ATOSB: variants seen among roughly 807,000 people sequenced by gnomAD.
The protein encoded by ATOSB is atos homolog B.
At chr9:35,105,509 T>C in the ATOSB span, 1 of 1,163,240 alleles carries the variant, frequency 8.6e-7, no homozygotes, top group Non-Finnish European at 1.2e-6. This position sits in a 1 kb window ranked among gnomAD's most constrained non-coding sequence, Gnocchi z 5.5. Context: ...CTAAGCAACA[T>C]AGCGAGACCC....
At chr9:35,106,906 G>A in the ATOSB span, 3 of 1,563,144 alleles carry the variant, frequency 1.9e-6, no homozygotes, top group Non-Finnish European at 2.6e-6. The surrounding 1 kb of genome is among the most constrained non-coding windows in gnomAD (Gnocchi z 4.6). Context: ...GGAGAGAAAT[G>A]ATTGGGAAAA....
chr9:35,105,609 C>T, the ATOSB span: 39 of 1,488,272 alleles, frequency 2.6e-5, no homozygotes, highest in African/African-American at 1.3e-4. This position sits in a 1 kb window ranked among gnomAD's most constrained non-coding sequence, Gnocchi z 5.5. Context: ...CGGACAGTAT[C>T]GAAGCAAGGA....
At chr9:35,105,609 C>G in the ATOSB span, 8 of 1,488,272 alleles carry the variant, frequency 5.4e-6, no homozygotes, top group East Asian at 1.8e-4. This position sits in a 1 kb window ranked among gnomAD's most constrained non-coding sequence, Gnocchi z 5.5. Context: ...CGGACAGTAT[C>G]GAAGCAAGGA....
At chr9:35,109,327 A>C in the ATOSB span, 1 of 152,406 alleles carries the variant, frequency 6.6e-6, no homozygotes, top group Non-Finnish European at 1.5e-5. Context: ...CCGACCAAAA[A>C]CAAGAAGGGG....
the ATOSB span, among the ~76,000 whole-genome samples, chr9:35,114,256 C>G: frequency 6.6e-6 from 1 of 152,322 alleles, no homozygotes; most frequent in East Asian, 1.9e-4. Context: ...GCCCTAGGCC[C>G]GCCCTCTCTG....
At chr9:35,105,695 A>C in the ATOSB span, 1 of 1,613,938 alleles carries the variant, frequency 6.2e-7, no homozygotes, top group Non-Finnish European at 8.5e-7. The surrounding 1 kb of genome is among the most constrained non-coding windows in gnomAD (Gnocchi z 5.5). Flanking sequence ...AGGTGCAGCA[A>C]GTAGCAGAGG....
chr9:35,112,976 ACCACCC>A, the ATOSB span, among the ~76,000 whole-genome samples: 1 of 151,998 alleles, frequency 6.6e-6, no homozygotes, highest in Non-Finnish European at 1.5e-5. Flanking sequence ...CTCACCCTAG[ACCACCC>A]TTTTCAAGAG....
chr9:35,107,386 C>T, the ATOSB span: 2 of 1,578,280 alleles, frequency 1.3e-6, no homozygotes, highest in Admixed American at 1.7e-5. Flanking sequence ...CTTACCAAAA[C>T]AGGCTCTTTG....
the ATOSB span, chr9:35,111,024 T>TACCA: frequency 6.6e-6 from 1 of 152,424 alleles, no homozygotes; most frequent in African/African-American, 2.4e-5. Context: ...TCTTCTCTCT[T>TACCA]ACCAACCCCT....
chr9:35,106,715 C>CA, the ATOSB span: 1 of 1,457,678 alleles, frequency 6.9e-7, no homozygotes, highest in South Asian at 1.2e-5. The surrounding 1 kb of genome is among the most constrained non-coding windows in gnomAD (Gnocchi z 4.6). Flanking sequence ...CCTTGGACTC[C>CA]ACCCTCTGCC....
the ATOSB span, chr9:35,110,511 C>T: frequency 2.0e-5 from 3 of 152,334 alleles, no homozygotes; most frequent in African/African-American, 7.2e-5. Context: ...ACTCCCCTGC[C>T]ACCCAGCCAG....
the ATOSB span, chr9:35,105,161 T>G: frequency 6.5e-7 from 1 of 1,530,902 alleles, no homozygotes; most frequent in Non-Finnish European, 8.9e-7. The surrounding 1 kb of genome is among the most constrained non-coding windows in gnomAD (Gnocchi z 5.5). Flanking sequence ...CCATATATGT[T>G]CTCTAAGATG....
the ATOSB span, chr9:35,106,576 T>G: frequency 1.3e-6 from 2 of 1,570,816 alleles, no homozygotes; most frequent in African/African-American, 2.7e-5. This position sits in a 1 kb window ranked among gnomAD's most constrained non-coding sequence, Gnocchi z 4.6. Context: ...ACAGCAGGGG[T>G]AGGAACAGGG....
chr9:35,113,939 T>C, the ATOSB span, among the ~76,000 whole-genome samples: 1 of 152,192 alleles, frequency 6.6e-6, no homozygotes, highest in African/African-American at 2.4e-5. Flanking sequence ...CTGGATCCTA[T>C]CTTCTGCCCT....
the ATOSB span, chr9:35,106,005 A>G: frequency 6.2e-7 from 1 of 1,613,360 alleles, no homozygotes; most frequent in Non-Finnish European, 8.5e-7. The surrounding 1 kb of genome is among the most constrained non-coding windows in gnomAD (Gnocchi z 4.6). Flanking sequence ...CAGATCCACG[A>G]TGCCCTGGAA....
chr9:35,108,577 T>G, the ATOSB span: 3 of 1,159,954 alleles, frequency 2.6e-6, no homozygotes, highest in Non-Finnish European at 3.2e-6. Flanking sequence ...CTTCCCCCTC[T>G]TCTCCCTGGT....
the ATOSB span, chr9:35,104,345 C>T: frequency 6.4e-4 from 100 of 155,616 alleles, no homozygotes; most frequent in African/African-American, 2.3e-3. Flanking sequence ...TGAGGGGTGC[C>T]CCTCACCCCA....
chr9:35,104,919 G>A, the ATOSB span: 1 of 273,200 alleles, frequency 3.7e-6, no homozygotes, highest in Non-Finnish European at 6.8e-6. Context: ...AGGACAGGGA[G>A]GCAACGCTGG....
chr9:35,107,341 A>ATT, the ATOSB span: 1 of 1,565,694 alleles, frequency 6.4e-7, no homozygotes, highest in Non-Finnish European at 8.6e-7. Flanking sequence ...AAAAAAAAAA[A>ATT]AAGTAAAAAA....
Sources: gnomAD v4.1 joint callset for allele counts (sites outside exome capture counted in the v4.1 genomes callset) on GRCh38, gnomAD v4.1.1 for gene constraint, Gnocchi (gnomAD v3.1) non-coding constraint, MANE v1.5 for transcripts, NCBI Gene and HGNC (gene_info 2026-07-23, HGNC 2026-07-21) for gene names.